The following STPG2 variants were observed in gnomAD, a reference collection of about 807,000 sequenced individuals.
STPG2 encodes sperm tail PG-rich repeat containing 2.
In STPG2, 56 loss-of-function variants were observed where a neutral mutation model predicts 54.2. That is an observed-to-expected ratio of 1.03 (90% confidence interval 0.83 to 1.29). The LOEUF (loss-of-function observed/expected upper bound fraction) is 1.29. STPG2 is among the 50% of genes most tolerant of loss of function. The probability of loss-of-function intolerance (pLI) is 0.00; values close to 1 mark genes in which losing one functional copy is unlikely to be tolerated. For missense variants in STPG2, 596 were observed against 544.9 expected (o/e 1.09, Z -0.93); for synonymous variants, 200 against 181.8 (o/e 1.10, Z -0.81).
intron 10 of STPG2, among the ~76,000 whole-genome samples, chr4:97,584,960 C>T (rs1342219170): frequency 6.6e-6 from 1 of 151,642 alleles, no homozygotes; most frequent in Non-Finnish European, 1.5e-5. Context: ...ACCAATCTTA[C>T]TGAAACTATT....
At chr4:97,958,543 G>A (rs1246315386) in intron 7 of STPG2, among the ~76,000 whole-genome samples, 1 of 152,022 alleles carries the variant, frequency 6.6e-6, no homozygotes, top group Non-Finnish European at 1.5e-5. Context: ...TAAAGGGGTG[G>A]AAAAAGACAC....
chr4:97,987,946 T>C (rs1250642939), intron 5 of STPG2, among the ~76,000 whole-genome samples: 1 of 151,616 alleles, frequency 6.6e-6, no homozygotes, highest in Non-Finnish European at 1.5e-5. Context: ...CCGAGTCAGA[T>C]TGTATCACTC....
intron 10 of STPG2, among the ~76,000 whole-genome samples, chr4:97,574,534 T>C (rs1262883558): frequency 6.6e-6 from 1 of 152,048 alleles, no homozygotes; most frequent in Admixed American, 6.6e-5. Flanking sequence ...TCAGATTCTT[T>C]TTGGCATCTC....
At chr4:98,060,868 T>C (rs917797426) in intron 5 of STPG2, among the ~76,000 whole-genome samples, 3 of 152,294 alleles carry the variant, frequency 2.0e-5, no homozygotes, top group Non-Finnish European at 4.4e-5. Context: ...TAGCCTTATA[T>C]AGAAGACTGC....
Position 97,681,538 on chromosome 4 carries a change from T to G in STPG2, c.1320+31161A>C, listed in dbSNP as rs186821027. Among the ~76,000 whole-genome samples, 41 of 152,008 alleles carry G rather than the reference T, an allele frequency of 2.7e-4. 1 individual carries two copies. Among genetic ancestry groups the G allele is most frequent in the Admixed American group, 1.8e-3 (28 of 15,232 alleles). ...CACTCTACATTCAGAATTTAATTTT[T>G]TAATTCTCCATTTTTATGGTAAATG... On this transcript the variant is annotated intron_variant, in intron 10 of 10. Transcript: ENST00000295268.
At chr4:97,745,877 T>A (rs561479494) in intron 9 of STPG2, among the ~76,000 whole-genome samples, 1 of 151,412 alleles carries the variant, frequency 6.6e-6, no homozygotes, top group South Asian at 2.1e-4. Context: ...TGCATTTCAA[T>A]ACTTGTAGAA....
intron 8 of STPG2, among the ~76,000 whole-genome samples, chr4:97,923,892 A>G (rs1443099059): frequency 6.6e-6 from 1 of 152,188 alleles, no homozygotes; most frequent in East Asian, 1.9e-4. Flanking sequence ...CTCTCTGTAA[A>G]ACAGACCAAT....
intron 7 of STPG2, among the ~76,000 whole-genome samples, chr4:97,957,464 G>C (rs761710404): frequency 2.0e-5 from 3 of 151,946 alleles, no homozygotes; most frequent in Non-Finnish European, 4.4e-5. Context: ...AATTGAGAAA[G>C]AAGGGAAATC....
At chr4:97,612,250 AAAAAAAAAAAC>A (rs1207392665) in intron 10 of STPG2, among the ~76,000 whole-genome samples, 4 of 13,844 alleles carry the variant, frequency 2.9e-4, no homozygotes, top group Non-Finnish European at 1.3e-3. Flanking sequence ...GTAAAATGGC[AAAAAAAAAAAC>A]AAAAAAAAAC....
At chr4:97,962,419 C>T (rs1333479517) in intron 7 of STPG2, among the ~76,000 whole-genome samples, 3 of 151,994 alleles carry the variant, frequency 2.0e-5, no homozygotes, top group South Asian at 2.1e-4. Flanking sequence ...TAGTGTAATA[C>T]GTATACACAC....
intron 10 of STPG2, among the ~76,000 whole-genome samples, chr4:97,635,602 C>G (rs569691736): frequency 1.3e-5 from 2 of 152,202 alleles, no homozygotes; most frequent in Middle Eastern, 3.4e-3. Context: ...ACCCGTCTCA[C>G]GTGCAGAGAC....
At chr4:97,509,215 G>A (rs765869212) in intron 4 of STPG2, among the ~76,000 whole-genome samples, 4 of 151,932 alleles carry the variant, frequency 2.6e-5, no homozygotes, top group Non-Finnish European at 4.4e-5. Flanking sequence ...CTTCCCAAAG[G>A]TGGAAAAGAA....
At chr4:97,493,730 A>G (rs986502685) in intron 4 of STPG2, among the ~76,000 whole-genome samples, 1 of 151,580 alleles carries the variant, frequency 6.6e-6, no homozygotes, top group Admixed American at 6.6e-5. Context: ...GAGATGTACT[A>G]AAGGAGATAC....
intron 4 of STPG2, among the ~76,000 whole-genome samples, chr4:97,456,190 G>A (rs1729512946): frequency 6.6e-6 from 1 of 152,158 alleles, no homozygotes; most frequent in African/African-American, 2.4e-5. Context: ...CCGAAACGGG[G>A]TAATTTATGA....
intron 8 of STPG2, among the ~76,000 whole-genome samples, chr4:97,891,053 A>G (rs927750164): frequency 5.3e-5 from 8 of 151,966 alleles, no homozygotes; most frequent in African/African-American, 1.9e-4. Context: ...GCTAGAAATA[A>G]TTGTCTCTAA....
At chr4:97,690,235 C>T (rs1040145406) in intron 10 of STPG2, among the ~76,000 whole-genome samples, 27 of 152,092 alleles carry the variant, frequency 1.8e-4, no homozygotes, top group African/African-American at 6.3e-4. Context: ...ACAACAGCTA[C>T]TCAAAATGAC....
At chr4:97,584,417 A>T (rs756560052) in intron 10 of STPG2, among the ~76,000 whole-genome samples, 1 of 152,054 alleles carries the variant, frequency 6.6e-6, no homozygotes, top group Non-Finnish European at 1.5e-5. Flanking sequence ...TTAAATACCT[A>T]CATCAAAAAG....
chr4:97,848,251 A>C (rs1410577053), intron 8 of STPG2, among the ~76,000 whole-genome samples: 1 of 152,186 alleles, frequency 6.6e-6, no homozygotes, highest in African/African-American at 2.4e-5. Flanking sequence ...GAATTATTTT[A>C]TTATTCATTA....
chr4:98,067,308 A>G (rs894984481), intron 5 of STPG2, among the ~76,000 whole-genome samples: 3 of 152,216 alleles, frequency 2.0e-5, no homozygotes, highest in Non-Finnish European at 4.4e-5. Context: ...TGTAAACACT[A>G]AAAAAATTAT....
Sources: gnomAD v4.1 joint callset for allele counts (sites outside exome capture counted in the v4.1 genomes callset) on GRCh38, gnomAD v4.1.1 for gene constraint, MANE v1.5 for transcripts, NCBI Gene and HGNC (gene_info 2026-07-23, HGNC 2026-07-21) for gene names.